Variants in SDK1 observed in about 807,000 individuals in gnomAD.
SDK1 encodes sidekick cell adhesion molecule 1.
SDK1 carries 157 observed loss-of-function variants against 245.5 expected under a neutral mutation model. That is an observed-to-expected ratio of 0.64 (90% CI 0.56 to 0.73). SDK1 has a LOEUF of 0.73. Ranked by LOEUF, SDK1 falls within the 30% of genes least tolerant of loss-of-function variation. The pLI is 0.00. For missense variants in SDK1, 3,583 were observed against 3,002.3 expected (o/e 1.19, Z -4.52); for synonymous variants, 1,647 against 1,278.5 (o/e 1.29, Z -6.15).
chr7:4,126,869 A>G (rs1478891382), intron 25 of SDK1, among the ~76,000 whole-genome samples: 1 of 152,202 alleles, frequency 6.6e-6, no homozygotes. Context: ...CATTGGGATC[A>G]TTGTGGGATT....
At chr7:3,451,296 A>C (rs915949573) in intron 1 of SDK1, among the ~76,000 whole-genome samples, 1 of 152,172 alleles carries the variant, frequency 6.6e-6, no homozygotes, top group South Asian at 2.1e-4. Flanking sequence ...CCGCTTTCCC[A>C]CTGAGTCTGG....
chr7:4,248,931 A>C (rs1344004260), intron 44 of SDK1, among the ~76,000 whole-genome samples: 1 of 147,712 alleles, frequency 6.8e-6, no homozygotes, highest in Non-Finnish European at 1.5e-5. Context: ...ACACATATGT[A>C]CATACATGCA....
chr7:4,251,700 T>G (rs895173473), intron 44 of SDK1, among the ~76,000 whole-genome samples: 2 of 152,216 alleles, frequency 1.3e-5, no homozygotes, highest in African/African-American at 2.4e-5. Context: ...GGAAAACATT[T>G]TATCAATGAA....
In SDK1 at chr7:4,153,448, T is replaced by C. The variant is rs537874615; in HGVS notation, c.4625+3985T>C. 8.1e-4 allele frequency among the ~76,000 whole-genome samples: 123 copies of C among 152,000 alleles called. 1 individual carries two copies. Among genetic ancestry groups the C allele is most frequent in the South Asian group, 1.5e-3 (7 of 4,820 alleles). Reference sequence around the variant, plus strand: ...TAAAAATACAAAAATTAGCCAGGCATGGTGGCATGTGCCTGTAATCCCAGC... The same window carrying C: ...TAAAAATACAAAAATTAGCCAGGCACGGTGGCATGTGCCTGTAATCCCAGC... On this transcript the variant is annotated intron_variant, in intron 30 of 44. Transcript: ENST00000404826.
chr7:3,579,765 G>C (rs543995233), intron 1 of SDK1, among the ~76,000 whole-genome samples: 10 of 152,204 alleles, frequency 6.6e-5, no homozygotes, highest in East Asian at 1.9e-4. Context: ...TCCCCAAAGA[G>C]GTAAAAACAG....
At chr7:3,751,377 T>G (rs1051415107) in intron 4 of SDK1, among the ~76,000 whole-genome samples, 3 of 144,968 alleles carry the variant, frequency 2.1e-5, no homozygotes, top group African/African-American at 7.7e-5. Context: ...TGCGTCGCCC[T>G]CTCCAAGATG....
chr7:4,234,620 C>T (rs758923524), intron 41 of SDK1, among the ~76,000 whole-genome samples: 3 of 152,176 alleles, frequency 2.0e-5, no homozygotes, highest in Non-Finnish European at 4.4e-5. Context: ...CCCCAGCCCC[C>T]CATGTGCCTG....
chr7:4,209,107 C>A (rs144228861), intron 37 of SDK1, among the ~76,000 whole-genome samples: 2 of 152,346 alleles, frequency 1.3e-5, no homozygotes, highest in African/African-American at 2.4e-5. Flanking sequence ...ATCAAACTCT[C>A]ATGTGCTGAC....
intron 4 of SDK1, among the ~76,000 whole-genome samples, chr7:3,653,909 G>A (rs956637121): frequency 6.6e-6 from 1 of 152,164 alleles, no homozygotes; most frequent in African/African-American, 2.4e-5. Context: ...GAGCAGTTGT[G>A]AGATTTAACA....
chr7:3,552,951 T>C (rs575929097), intron 1 of SDK1, among the ~76,000 whole-genome samples: 2 of 152,338 alleles, frequency 1.3e-5, no homozygotes, highest in South Asian at 4.1e-4. Flanking sequence ...TTATAAGTTG[T>C]ATATTTCTGT....
chr7:3,860,202 G>C (rs1780657662), intron 5 of SDK1, among the ~76,000 whole-genome samples: 1 of 152,076 alleles, frequency 6.6e-6, no homozygotes, highest in Non-Finnish European at 1.5e-5. Context: ...ATATTTTATT[G>C]CATCAAAATT....
At chr7:3,727,025 TTGAC>T (rs1779030891) in intron 4 of SDK1, among the ~76,000 whole-genome samples, 1 of 152,230 alleles carries the variant, frequency 6.6e-6, no homozygotes, top group South Asian at 2.1e-4. Flanking sequence ...GTAGGTCTCT[TTGAC>T]TGACAGTCTT....
chr7:3,624,634 C>CT (rs778890285), intron 2 of SDK1, among the ~76,000 whole-genome samples: 1 of 151,986 alleles, frequency 6.6e-6, no homozygotes, highest in Non-Finnish European at 1.5e-5. Context: ...TGGGGAGGAA[C>CT]TTTTTTTTCT....
In SDK1 at chr7:4,266,717, G is replaced by T. The variant is rs1056230613; in HGVS notation, c.*1333G>T. ...CATCTTTGCAACAGACGACTGGGCT[G>T]CCATGGTCCACCCCTCAGCCCGGGT... On this transcript the variant is annotated 3_prime_UTR_variant, in exon 45 of 45. Transcript: ENST00000404826. 2 of 985,374 alleles carry T rather than the reference G, an allele frequency of 2.0e-6. No homozygotes were observed. The highest frequency in any genetic ancestry group is 3.5e-5 in the African/African-American group (2 of 57,252). The allele number at this position is 985,374 out of a possible 1,614,324, so 61.0% of individuals were successfully genotyped here.
intron 1 of SDK1, among the ~76,000 whole-genome samples, chr7:3,303,915 A>C (rs1340115784): frequency 1.3e-5 from 2 of 152,204 alleles, no homozygotes; most frequent in Non-Finnish European, 2.9e-5. Flanking sequence ...GAATCTTATC[A>C]GATGTAACAT....
In SDK1 at chr7:3,750,706, C is replaced by A. The variant is rs550797000; in HGVS notation, c.714-70744C>A. Among the ~76,000 whole-genome samples the A allele has an allele frequency of 2.6e-5, 4 of 152,308 alleles. No homozygotes were observed. The East Asian group carries it at 7.7e-4, about 29-fold the overall frequency. On this transcript the variant is annotated intron_variant, in intron 4 of 44. Coordinates refer to ENST00000404826, the MANE Select transcript of SDK1 (RefSeq NM_152744.4). Reference sequence around the variant, plus strand: ...AAATTGGATTTTCCAAAGAAATATGCAGATAAGTCTAGGAGAAGGTTCAGA... The same window carrying A: ...AAATTGGATTTTCCAAAGAAATATGAAGATAAGTCTAGGAGAAGGTTCAGA...
intron 1 of SDK1, among the ~76,000 whole-genome samples, chr7:3,604,877 C>T (rs1162938316): frequency 2.0e-5 from 3 of 152,012 alleles, no homozygotes; most frequent in East Asian, 1.9e-4. Context: ...GCTAGGATTA[C>T]AGGCATGAGC....
chr7:3,727,048 G>T (rs1184871737), intron 4 of SDK1, among the ~76,000 whole-genome samples: 2 of 152,218 alleles, frequency 1.3e-5, no homozygotes, highest in Non-Finnish European at 2.9e-5. Context: ...TTGGGAATGT[G>T]CATTGCAGTC....
intron 4 of SDK1, among the ~76,000 whole-genome samples, chr7:3,698,927 A>T (rs958625082): frequency 1.1e-4 from 17 of 152,180 alleles, no homozygotes; most frequent in African/African-American, 4.1e-4. Context: ...GACACAAAGG[A>T]TCAGTCTATA....
Sources: gnomAD v4.1 joint callset for allele counts (sites outside exome capture counted in the v4.1 genomes callset) on GRCh38, gnomAD v4.1.1 for gene constraint, MANE v1.5 for transcripts, NCBI Gene and HGNC (gene_info 2026-07-23, HGNC 2026-07-21) for gene names.